The following ABHD8 variants were observed in gnomAD, a reference collection of about 807,000 sequenced individuals.
The protein encoded by ABHD8 is protein ABHD8.
ABHD8 carries 10 observed loss-of-function variants against 29.3 expected under a neutral mutation model. That is an observed-to-expected ratio of 0.34 (90% CI 0.21 to 0.58). ABHD8 has a LOEUF of 0.58. Ranked by LOEUF, ABHD8 falls within the 20% of genes least tolerant of loss-of-function variation. The pLI, the probability that ABHD8 is intolerant of heterozygous loss-of-function variation, is 0.85. For synonymous variants in ABHD8, 282 were observed against 274.6 expected (o/e 1.03, Z -0.27); for missense variants, 556 against 615.3 (o/e 0.90, Z 1.02).
At position 17,292,581 on chromosome 19, in the gene ABHD8, T is replaced by C; in HGVS notation, c.*80A>G. The C allele has an allele frequency of 1.4e-6, 2 of 1,431,080 alleles. No homozygotes were observed. Among genetic ancestry groups the C allele is most frequent in the African/African-American group, 2.9e-5 (2 of 69,080 alleles). 88.6% of individuals were successfully genotyped at this position (1,431,080 alleles called of 1,614,324 possible). A position where few individuals can be genotyped will look rare whatever the true frequency, so the allele number is the denominator to read the frequency against. Reference sequence around the variant, plus strand: ...GAGCGAACGGCCCGCCCAGGTGGTCTGCGCTGCAGACCTGGCGCAGGCTCG... The same window carrying C: ...GAGCGAACGGCCCGCCCAGGTGGTCCGCGCTGCAGACCTGGCGCAGGCTCG... On this transcript the variant is annotated 3_prime_UTR_variant, in exon 5 of 5. Coordinates refer to ENST00000247706, the MANE Select transcript of ABHD8 (RefSeq NM_024527.5).
At chr19:17,299,825 A>G (rs1350693699) in intron 2 of ABHD8, among the ~76,000 whole-genome samples, 4 of 151,964 alleles carry the variant, frequency 2.6e-5, no homozygotes, top group South Asian at 2.1e-4. Context: ...AGGTTTTGCC[A>G]TGTTGTCCAA....
Position 17,294,244 on chromosome 19 carries a change from C to T in ABHD8, c.1149+44G>A. The T allele has an allele frequency of 2.5e-6, 4 of 1,580,654 alleles. No homozygotes were observed. In the South Asian group the frequency reaches 3.4e-5, roughly 13 times the overall value. The stretch of plus-strand genomic sequence containing the variant: ...GAGGCCACGCCCCTCCCGGGCAGCA[C>T]CCTGGGGATTTGTAGCTGTGGCGCC... On this transcript the variant is annotated intron_variant, in intron 4 of 4. Coordinates refer to ENST00000247706, the MANE Select transcript of ABHD8 (RefSeq NM_024527.5).
chr19:17,299,438 G>A, intron 2 of ABHD8, among the ~76,000 whole-genome samples: 1 of 151,614 alleles, frequency 6.6e-6, no homozygotes, highest in Non-Finnish European at 1.5e-5. Context: ...GCGGGTGCCT[G>A]TAGTCCCAGC....
At chr19:17,293,649 T>C (rs2074080650) in intron 4 of ABHD8, among the ~76,000 whole-genome samples, 1 of 151,718 alleles carries the variant, frequency 6.6e-6, no homozygotes, top group South Asian at 2.1e-4. Context: ...GAATCCTCCT[T>C]AGTTAAGAAC....
rs761309621 is a variant in ABHD8, at chr19:17,301,321, G to A, written c.296C>T (p.Pro99Leu). The A allele has an allele frequency of 6.2e-7, 1 of 1,607,688 alleles. No homozygotes were observed. The highest frequency in any genetic ancestry group is 8.5e-7 in the Non-Finnish European group (1 of 1,179,834). ...CTGCCCGTGTAGGAGGTCGGCTCGAGGGGCTCGGCCCAGGTTTTCCACCAG... is the reference window on the plus strand; with the variant it reads ...CTGCCCGTGTAGGAGGTCGGCTCGAAGGGCTCGGCCCAGGTTTTCCACCAG... Reference protein sequence around the residue: ...RLLVENLGRAPRADLLHGQNG... With the variant: ...RLLVENLGRALRADLLHGQNG... The change falls in exon 2 of 5, where the codon CCT becomes CTT. Residue 99 changes from proline (P) to leucine (L), a missense_variant. By Grantham distance (98) the Pro-to-Leu change is moderately conservative. This residue lies in a region of ABHD8 where 286 missense variants were observed against 261.4 expected (regional missense o/e 1.09). Coordinates refer to ENST00000247706, the MANE Select transcript of ABHD8 (RefSeq NM_024527.5).
At chr19:17,297,241 C>T (rs2074097389) in intron 2 of ABHD8, among the ~76,000 whole-genome samples, 1 of 152,114 alleles carries the variant, frequency 6.6e-6, no homozygotes, top group South Asian at 2.1e-4. Context: ...AATGTGCTGA[C>T]CTAATAGCAC....
In ABHD8 at chr19:17,301,466, G is replaced by A. The variant is rs1462832548; in HGVS notation, c.151C>T (p.Pro51Ser). Residue 51 changes from proline (P) to serine (S), a missense_variant, in exon 2 of 5, where the codon CCC becomes TCC. Pro to Ser is a moderately conservative substitution (Grantham distance 74, BLOSUM62 -1). Around this residue, in one of 2 missense-constraint regions of ABHD8, gnomAD observed 286 missense variants for 261.4 expected, o/e 1.09. Transcript: ENST00000247706. ...GRVLRVKHAG[P>S]APAAAPPPPS... ...GGAGGTGGGGCAGCGGCTGGGGCGG[G>A]TCCTGCATGCTTCACCCGCAGCACG... The A allele has an allele frequency of 6.2e-7, 1 of 1,611,670 alleles. No individual in the cohort carries two copies.
intron 1 of ABHD8, 182 bp downstream of exon 1, chr19:17,303,060 A>C (rs1438311918): frequency 6.6e-6 from 1 of 152,020 alleles, no homozygotes; most frequent in African/African-American, 2.4e-5. Flanking sequence ...GCGCCACCCC[A>C]GCCCCGCTTC....
rs1159703335 is a variant in ABHD8, at chr19:17,292,495, C to G, written c.*166G>C. ...GAGCGGAATGTCCGCTGGGCTCCCTCGGATGCCACGCCCCGCCCAGGCAGC... is the reference window on the plus strand; with the variant it reads ...GAGCGGAATGTCCGCTGGGCTCCCTGGGATGCCACGCCCCGCCCAGGCAGC... On this transcript the variant is annotated 3_prime_UTR_variant, in exon 5 of 5. Transcript: ENST00000247706. The G allele has an allele frequency of 3.7e-6, 3 of 803,968 alleles. No individual in the cohort carries two copies. The highest frequency in any genetic ancestry group is 5.4e-6 in the Non-Finnish European group (3 of 550,664). The allele number at this position is 803,968 out of a possible 1,614,324, so 49.8% of individuals were successfully genotyped here.
Position 17,294,353 on chromosome 19 carries a change from C to T in ABHD8, c.1084G>A (p.Val362Ile). 4 of 1,613,386 alleles carry T rather than the reference C, an allele frequency of 2.5e-6. No individual in the cohort carries two copies. Among genetic ancestry groups the T allele is most frequent in the South Asian group, 2.2e-5 (2 of 91,082 alleles). ...TCGTGCATGCCGTGGACAAGCAGGA[C>T]GGGCACGGTGAGCTCGGCGTGGTAG... ...EVYHAELTVP[V>I]LLVHGMHDKF... Residue 362 changes from valine to isoleucine, a missense_variant, in exon 4 of 5, where the codon GTC becomes ATC. By Grantham distance (29) the Val-to-Ile change is conservative. Coordinates refer to ENST00000247706, the MANE Select transcript of ABHD8 (RefSeq NM_024527.5).
intron 2 of ABHD8, among the ~76,000 whole-genome samples, chr19:17,297,069 G>A (rs775306134): frequency 2.0e-5 from 3 of 152,128 alleles, no homozygotes; most frequent in African/African-American, 4.8e-5. Context: ...TAAAATATTC[G>A]CTATCCGATC....
chr19:17,293,791 T>TC (rs2074081400), intron 4 of ABHD8, among the ~76,000 whole-genome samples: 1 of 151,780 alleles, frequency 6.6e-6, no homozygotes. Flanking sequence ...ACTCCTGGGT[T>TC]CAAGCGATCC....
intron 2 of ABHD8, among the ~76,000 whole-genome samples, chr19:17,295,199 G>A (rs982806342): frequency 1.0e-3 from 147 of 140,972 alleles, no homozygotes; most frequent in African/African-American, 3.2e-3. Flanking sequence ...TCCGCTTCCC[G>A]GGTTCACGCC....
At position 17,300,869 on chromosome 19, in the gene ABHD8, C is replaced by T; in HGVS notation, c.748G>A (p.Gly250Ser). ...GGGTTCACTTACCCGTAGGAATGGCCAATGAGCACATTTCGCTTCTTGGCA... is the reference window on the plus strand; with the variant it reads ...GGGTTCACTTACCCGTAGGAATGGCTAATGAGCACATTTCGCTTCTTGGCA... ...RYAKKRNVLI[G>S]HSYGVSFCTF... The change falls in exon 2 of 5, where the codon GGC (glycine) becomes AGC (serine). Residue 250 changes from glycine (G) to serine (S), a missense_variant. Transcript: ENST00000247706. 1 of 1,595,218 alleles carries T rather than the reference C, an allele frequency of 6.3e-7. No homozygotes were observed. Among genetic ancestry groups the T allele is most frequent in the Non-Finnish European group, 8.6e-7 (1 of 1,166,414 alleles).
chr19:17,296,634 C>T (rs1427625866), intron 2 of ABHD8: 1 of 151,656 alleles, frequency 6.6e-6, no homozygotes, highest in Non-Finnish European at 1.5e-5. Flanking sequence ...GTGGGCTAGT[C>T]ATTTGCTTTT....
chr19:17,292,817 T>C lies in ABHD8; in HGVS notation c.1164A>G (p.Ala388=). ...DQRMAEILLL[A]FLKLIDEGSH... is the part of the protein sequence containing the mutation. ...TGCCCTCGTCGATGAGCTTCAGGAA[T>C]GCCAGGAGCAGGATCTGCAGAAGAC... Residue 388 remains alanine, a synonymous_variant, in exon 5 of 5, where the codon GCA becomes GCG. Transcript: ENST00000247706. The C allele has an allele frequency of 6.2e-7, 1 of 1,612,512 alleles. No individual in the cohort carries two copies. The highest frequency in any genetic ancestry group is 8.5e-7 in the Non-Finnish European group (1 of 1,179,184).
chr19:17,301,773 T>C, intron 1 of ABHD8, 149 bp from the exon 2 acceptor site: 1 of 796,956 alleles, frequency 1.3e-6, no homozygotes, highest in Middle Eastern at 3.8e-4. Flanking sequence ...GAGATTTTTT[T>C]GTTTGTGTGT....
rs776950825 is a variant in ABHD8, at chr19:17,301,396, C to T, written c.221G>A (p.Gly74Asp). The T allele has an allele frequency of 6.2e-7, 1 of 1,611,780 alleles. No homozygotes were observed. Among genetic ancestry groups the T allele is most frequent in the Non-Finnish European group, 8.5e-7 (1 of 1,179,904 alleles). The change falls in exon 2 of 5, where the codon GGC (glycine) becomes GAC (aspartate). Residue 74 changes from glycine to aspartate, a missense_variant. Physicochemically the swap from Gly to Asp is moderately conservative, Grantham distance 94 (BLOSUM62 -1). Around this residue, in one of 2 missense-constraint regions of ABHD8, gnomAD observed 286 missense variants for 261.4 expected, o/e 1.09. Coordinates refer to ENST00000247706, the MANE Select transcript of ABHD8 (RefSeq NM_024527.5). ...SSDAAQGDLSGLVRCQRRITV... is the reference protein window; with the variant it reads ...SSDAAQGDLSDLVRCQRRITV... ...GATCCGGCGCTGACAGCGGACCAAG[C>T]CGGAGAGGTCCCCCTGGGCTGCATC... is the stretch of plus-strand genomic sequence containing the variant.
chr19:17,295,932 A>C (rs754516156), intron 2 of ABHD8, among the ~76,000 whole-genome samples: 1 of 152,128 alleles, frequency 6.6e-6, no homozygotes, highest in Non-Finnish European at 1.5e-5. Flanking sequence ...GCTGGTCTTG[A>C]ACTCCTGGGC....
Sources: allele counts gnomAD v4.1 joint callset (sites outside exome capture counted in the v4.1 genomes callset), GRCh38; gene constraint gnomAD v4.1.1; regional missense constraint gnomAD v4.1.1; transcripts MANE v1.5; gene names NCBI Gene and HGNC (gene_info 2026-07-23, HGNC 2026-07-21).